Variants in EPHB1 observed in about 807,000 individuals in gnomAD.
EPHB1 encodes the protein EPH receptor B1.
Under a neutral mutation model 94.4 loss-of-function variants are expected in EPHB1, and 30 were observed. The observed-to-expected ratio is 0.32, with a 90% CI of 0.24 to 0.43. The LOEUF is 0.43. Among genes scored for constraint, EPHB1 ranks in the 20% least tolerant of loss-of-function variants. EPHB1 has a pLI of 1.00. For synonymous variants in EPHB1, 522 were observed against 489.1 expected (o/e 1.07, Z -0.89); for missense variants, 1,055 against 1,308.3 (o/e 0.81, Z 2.99).
At chr3:134,872,009 T>A (rs192010633) in intron 1 of EPHB1, among the ~76,000 whole-genome samples, 1 of 152,330 alleles carries the variant, frequency 6.6e-6, no homozygotes, top group East Asian at 1.9e-4. Context: ...TGCCCTTCCC[T>A]CCACCTCTGT....
At chr3:134,834,765 T>C (rs1251595238) in intron 1 of EPHB1, among the ~76,000 whole-genome samples, 1 of 152,168 alleles carries the variant, frequency 6.6e-6, no homozygotes, top group Non-Finnish European at 1.5e-5. Context: ...CAGATGAATA[T>C]GAGCAGCTAT....
intron 1 of EPHB1, among the ~76,000 whole-genome samples, chr3:134,859,399 A>T (rs1298466263): frequency 6.6e-6 from 1 of 152,172 alleles, no homozygotes; most frequent in Admixed American, 6.5e-5. Context: ...TTGGGAGCAG[A>T]AAGAGATTTC....
At chr3:135,216,880 A>G (rs1352770873) in intron 12 of EPHB1, among the ~76,000 whole-genome samples, 1 of 152,142 alleles carries the variant, frequency 6.6e-6, no homozygotes, top group East Asian at 1.9e-4. Flanking sequence ...CTCAACAAAG[A>G]GGACTTTCTT....
intron 12 of EPHB1, among the ~76,000 whole-genome samples, chr3:135,202,620 A>G (rs552666678): frequency 6.6e-6 from 1 of 152,302 alleles, no homozygotes; most frequent in South Asian, 2.1e-4. Flanking sequence ...TCCTCTTTAA[A>G]CCTGCAAAAG....
intron 13 of EPHB1, among the ~76,000 whole-genome samples, chr3:135,247,099 CTG>C: frequency 6.6e-6 from 1 of 152,196 alleles, no homozygotes; most frequent in South Asian, 2.1e-4. Flanking sequence ...AATGCTTTAA[CTG>C]TTTATTTTAA....
chr3:134,827,596 T>A (rs1223655289), intron 1 of EPHB1, among the ~76,000 whole-genome samples: 3 of 152,258 alleles, frequency 2.0e-5, no homozygotes, highest in African/African-American at 7.2e-5. Context: ...TGGTAGTTCC[T>A]GCACAAGTCC....
At chr3:135,086,950 CT>C (rs1427345601) in intron 3 of EPHB1, among the ~76,000 whole-genome samples, 1 of 152,190 alleles carries the variant, frequency 6.6e-6, no homozygotes, top group East Asian at 1.9e-4. Context: ...CTCCAGCATG[CT>C]TTGCTTATGT....
chr3:135,053,138 T>C (rs1322993462), intron 3 of EPHB1, among the ~76,000 whole-genome samples: 1 of 141,172 alleles, frequency 7.1e-6, no homozygotes, highest in Non-Finnish European at 1.5e-5. Context: ...TGTTAGATGT[T>C]TAGATTTTAG....
intron 1 of EPHB1, among the ~76,000 whole-genome samples, chr3:134,879,901 A>G (rs761320321): frequency 8.5e-5 from 13 of 152,230 alleles, no homozygotes; most frequent in Non-Finnish European, 1.3e-4. Context: ...GAAATAAAAT[A>G]AATGAGGCCA....
intron 1 of EPHB1, among the ~76,000 whole-genome samples, chr3:134,917,267 G>A (rs182789072): frequency 7.9e-5 from 12 of 152,334 alleles, no homozygotes; most frequent in Admixed American, 6.5e-4. Flanking sequence ...CATGTACCAA[G>A]GGCCAAGCTG....
chr3:135,178,750 T>C (rs1942064943), intron 9 of EPHB1, among the ~76,000 whole-genome samples: 1 of 152,092 alleles, frequency 6.6e-6, no homozygotes. Flanking sequence ...TGGGCCCTAG[T>C]CACTGCACCT....
intron 3 of EPHB1, among the ~76,000 whole-genome samples, chr3:135,040,815 T>C (rs1576339075): frequency 1.3e-5 from 2 of 152,292 alleles, no homozygotes. Context: ...CAAGGTATTA[T>C]TCTTAATAGC....
At chr3:135,081,978 A>T (rs1383074635) in intron 3 of EPHB1, among the ~76,000 whole-genome samples, 1 of 151,930 alleles carries the variant, frequency 6.6e-6, no homozygotes, top group African/African-American at 2.4e-5. Flanking sequence ...ATGGAACGGC[A>T]GCAGGAGTGG....
At chr3:134,900,444 G>C (rs373835488) in intron 1 of EPHB1, among the ~76,000 whole-genome samples, 31 of 152,300 alleles carry the variant, frequency 2.0e-4, no homozygotes, top group African/African-American at 6.7e-4. Context: ...GGTGGTGTGT[G>C]GGTAGGGCAG....
chr3:135,170,008 A>G (rs1288733249), intron 9 of EPHB1, among the ~76,000 whole-genome samples: 1 of 152,226 alleles, frequency 6.6e-6, no homozygotes, highest in Non-Finnish European at 1.5e-5. Flanking sequence ...TGTGCACATA[A>G]CTATATCTGG....
chr3:134,965,990 G>A (rs767411153), intron 3 of EPHB1, among the ~76,000 whole-genome samples: 28 of 152,182 alleles, frequency 1.8e-4, no homozygotes, highest in Non-Finnish European at 3.4e-4. Context: ...TTCCCTGCCT[G>A]TAGCTGTGCA....
At chr3:135,190,455 C>T (rs1192099331) in intron 10 of EPHB1, among the ~76,000 whole-genome samples, 4 of 152,110 alleles carry the variant, frequency 2.6e-5, no homozygotes, top group African/African-American at 4.8e-5. Context: ...GTTCATTCAG[C>T]TCATAGTTAT....
intron 3 of EPHB1, among the ~76,000 whole-genome samples, chr3:134,976,734 G>T (rs1934206684): frequency 1.3e-5 from 2 of 151,800 alleles, no homozygotes; most frequent in Non-Finnish European, 2.9e-5. Flanking sequence ...GTGCTTATGG[G>T]GTTAAAAAAA....
At chr3:134,904,540 C>A (rs1317744782) in intron 1 of EPHB1, among the ~76,000 whole-genome samples, 2 of 152,042 alleles carry the variant, frequency 1.3e-5, no homozygotes, top group African/African-American at 2.4e-5. Context: ...AAGCAACAAC[C>A]CACAGTTTTT....
Sources: gnomAD v4.1 joint callset for allele counts (sites outside exome capture counted in the v4.1 genomes callset) on GRCh38, gnomAD v4.1.1 for gene constraint, MANE v1.5 for transcripts, NCBI Gene and HGNC (gene_info 2026-07-23, HGNC 2026-07-21) for gene names.